NRG4: variants seen among roughly 807,000 people sequenced by gnomAD.
The protein encoded by NRG4 is pro-neuregulin-4, membrane-bound isoform.
A neutral mutation model predicts 15.0 loss-of-function variants in NRG4; 10 were observed. The ratio of observed to expected loss-of-function variants is 0.67; its 90% confidence interval spans 0.41 to 1.13. The LOEUF is 1.13. NRG4 is among the 50% of genes most tolerant of loss of function. The pLI, the probability that NRG4 is intolerant of heterozygous loss-of-function variation, is 0.00. For synonymous variants in NRG4, 41 were observed against 50.1 expected, an observed-to-expected ratio of 0.82 and a Z score of 0.77; for missense variants, 139 against 140.2, an observed-to-expected ratio of 0.99 and a Z score of 0.04.
At chr15:75,950,419 G>T in intron 5 of NRG4, 2 of 217,506 alleles carry the variant, frequency 9.2e-6, no homozygotes, top group Non-Finnish European at 2.1e-5. Context: ...GCATAGCCAG[G>T]ATGCTGTGGC....
chr15:75,955,310 C>T (rs2032173329), intron 5 of NRG4, among the ~76,000 whole-genome samples: 1 of 152,148 alleles, frequency 6.6e-6, no homozygotes, highest in Non-Finnish European at 1.5e-5. Flanking sequence ...CCACCTTGCA[C>T]AAAAGCCTGG....
intron 3 of NRG4, among the ~76,000 whole-genome samples, chr15:75,968,058 A>T (rs900223783): frequency 6.6e-6 from 1 of 152,192 alleles, no homozygotes. Context: ...TAGTGTAAAA[A>T]CATGACCCTC....
At chr15:76,039,210 A>G (rs2035670334) in intron 4 of NRG4, among the ~76,000 whole-genome samples, 1 of 152,200 alleles carries the variant, frequency 6.6e-6, no homozygotes, top group Non-Finnish European at 1.5e-5. Flanking sequence ...CCCAGACACC[A>G]GCAAATATCC....
chr15:76,020,568 C>T (rs1596032886), intron 5 of NRG4, among the ~76,000 whole-genome samples: 1 of 152,040 alleles, frequency 6.6e-6, no homozygotes, highest in East Asian at 1.9e-4. Context: ...TTGGGCCACA[C>T]ATAAAATACA....
chr15:75,963,571 A>C (rs918563155), intron 3 of NRG4, among the ~76,000 whole-genome samples: 1 of 152,064 alleles, frequency 6.6e-6, no homozygotes, highest in Admixed American at 6.5e-5. Context: ...CGAGGTCAAG[A>C]TATTGAGACC....
At chr15:75,971,839 G>A (rs1226679243) in intron 3 of NRG4, among the ~76,000 whole-genome samples, 1 of 152,114 alleles carries the variant, frequency 6.6e-6, no homozygotes, top group Non-Finnish European at 1.5e-5. Context: ...ACGTGTGCAC[G>A]TGCCTTTATA....
intron 3 of NRG4, among the ~76,000 whole-genome samples, chr15:75,970,256 A>C (rs1214599175): frequency 6.6e-6 from 1 of 152,242 alleles, no homozygotes; most frequent in Non-Finnish European, 1.5e-5. Context: ...AATACAATTG[A>C]GACAACACGT....
At chr15:76,007,650 C>T (rs1480473043) in intron 3 of NRG4, among the ~76,000 whole-genome samples, 4 of 152,024 alleles carry the variant, frequency 2.6e-5, no homozygotes, top group Admixed American at 6.6e-5. Context: ...AGGGTGGTCT[C>T]GATCTCCTGA....
At position 75,961,812 on chromosome 15, in the gene NRG4, T is replaced by C. The variant is rs372786092; in HGVS notation, c.251+16A>G. The C allele has an allele frequency of 1.4e-5, 22 of 1,592,218 alleles. No homozygotes were observed. Among genetic ancestry groups the C allele is most frequent in the Middle Eastern group, 1.7e-4 (1 of 6,012 alleles). ...ATGTATTACTTTTCTCAAAAGCATGTTTCTATTTTACTTACCTGCAAAGGA... is the reference window on the plus strand; with the variant it reads ...ATGTATTACTTTTCTCAAAAGCATGCTTCTATTTTACTTACCTGCAAAGGA... On this transcript the variant is annotated intron_variant, in intron 4 of 5. Coordinates refer to ENST00000394907, the MANE Select transcript of NRG4 (RefSeq NM_138573.4).
At position 75,940,983 on chromosome 15, in the gene NRG4, CAACA is replaced by C. The variant is rs2030897419; in HGVS notation, c.*2651_*2654del. 6.6e-6 allele frequency: 1 copy of C among 152,052 alleles called. No homozygotes were observed. The highest frequency in any genetic ancestry group is 2.4e-5 in the African/African-American group (1 of 41,428). The allele number at this position is 152,052 out of a possible 1,614,324, so 9.4% of individuals were successfully genotyped here. On this transcript the variant is annotated 3_prime_UTR_variant, in exon 6 of 6. Coordinates refer to ENST00000394907, the MANE Select transcript of NRG4 (RefSeq NM_138573.4). ...AATTTTGTGCATCAAAGAACACTATCAACAGAGTAAAAAGATTACCTATGGAGTG... is the reference window on the plus strand; with the variant it reads ...AATTTTGTGCATCAAAGAACACTATCGAGTAAAAAGATTACCTATGGAGTG...
chr15:75,991,833 C>T (rs528114940), intron 3 of NRG4, among the ~76,000 whole-genome samples: 6 of 152,054 alleles, frequency 3.9e-5, no homozygotes, highest in Non-Finnish European at 7.4e-5. Flanking sequence ...TCTTTCAATA[C>T]ACAATCTGTC....
chr15:75,965,856 A>AT (rs1298244029), intron 3 of NRG4, among the ~76,000 whole-genome samples: 1 of 152,240 alleles, frequency 6.6e-6, no homozygotes, highest in Non-Finnish European at 1.5e-5. Context: ...TTGCACCAGC[A>AT]TTTACCCAGA....
chr15:76,034,183 G>T (rs991038887), intron 5 of NRG4, among the ~76,000 whole-genome samples: 2 of 152,090 alleles, frequency 1.3e-5, no homozygotes, highest in African/African-American at 4.8e-5. Flanking sequence ...ATCTGAATAG[G>T]CAAAAGATAA....
At position 75,957,905 on chromosome 15, in the gene NRG4, T is replaced by G. The variant is rs575369081; in HGVS notation, c.252-1894A>C. On this transcript the variant is annotated intron_variant, in intron 4 of 5. Transcript: ENST00000394907. ...ACATACACTAAATTTTAAAAATTTA[T>G]TGAAGATATGTACTGAATTTTTAAA... 4.6e-5 allele frequency among the ~76,000 whole-genome samples: 7 copies of G among 152,336 alleles called. No individual in the cohort carries two copies. The East Asian group carries it at 1.3e-3, about 29-fold the overall frequency.
At chr15:76,055,581 G>C (rs2036133202) in intron 2 of NRG4, among the ~76,000 whole-genome samples, 1 of 151,886 alleles carries the variant, frequency 6.6e-6, no homozygotes, top group Non-Finnish European at 1.5e-5. Flanking sequence ...ACAATAGCTG[G>C]GTCCATGTTT....
intron 4 of NRG4, among the ~76,000 whole-genome samples, chr15:76,047,702 A>G (rs1298488166): frequency 6.6e-6 from 1 of 151,066 alleles, no homozygotes; most frequent in Non-Finnish European, 1.5e-5. Flanking sequence ...AAAAGTGGTA[A>G]AGATGGTAAA....
At chr15:76,029,934 C>CA (rs2035427313) in intron 5 of NRG4, among the ~76,000 whole-genome samples, 1 of 152,040 alleles carries the variant, frequency 6.6e-6, no homozygotes, top group Non-Finnish European at 1.5e-5. Context: ...CTAAAAGACT[C>CA]AAAACAGATA....
At chr15:75,969,476 C>T (rs1333609301) in intron 3 of NRG4, among the ~76,000 whole-genome samples, 2 of 152,170 alleles carry the variant, frequency 1.3e-5, no homozygotes, top group South Asian at 2.1e-4. Flanking sequence ...GTATACGTTG[C>T]CTTTCATTAG....
At chr15:76,016,051 G>C (rs529559320), upstream of NRG4, among the ~76,000 whole-genome samples, 1 of 151,972 alleles carries the variant, frequency 6.6e-6, no homozygotes, top group Non-Finnish European at 1.5e-5. Flanking sequence ...TCAGGGATTC[G>C]ACTTCTTCCT....
Sources: gnomAD v4.1 joint callset for allele counts (sites outside exome capture counted in the v4.1 genomes callset) on GRCh38, gnomAD v4.1.1 for gene constraint, MANE v1.5 for transcripts, NCBI Gene and HGNC (gene_info 2026-07-23, HGNC 2026-07-21) for gene names.